Variants in NCALD observed in about 807,000 individuals in gnomAD.
The protein encoded by NCALD is neurocalcin delta.
NCALD carries 10 observed loss-of-function variants against 18.6 expected under a neutral mutation model. The ratio of observed to expected loss-of-function variants is 0.54; its 90% confidence interval spans 0.33 to 0.91. NCALD has a LOEUF of 0.91. Among genes scored for constraint, NCALD ranks in the 40% least tolerant of loss-of-function variants. NCALD has a pLI of 0.03. For synonymous variants in NCALD, 88 were observed against 87.4 expected, an observed-to-expected ratio of 1.01 and a Z score of -0.04; for missense variants, 184 against 247.6, an observed-to-expected ratio of 0.74 and a Z score of 1.72.
chr8:101,943,149 G>C (rs767217583), intron 2 of NCALD, among the ~76,000 whole-genome samples: 2 of 152,164 alleles, frequency 1.3e-5, no homozygotes, highest in African/African-American at 4.8e-5. Flanking sequence ...CAATGGCACA[G>C]TAAGTACTCT....
rs543834480 is a variant in NCALD, at chr8:101,999,878, C to T, written c.-157+20359G>A. Among the ~76,000 whole-genome samples the T allele has an allele frequency of 2.6e-5, 4 of 152,244 alleles. No homozygotes were observed. The East Asian group carries it at 7.7e-4, about 29-fold the overall frequency. Reference sequence around the variant, plus strand: ...TACTGCAGAAAGGGTAATCATCTCTCCTTTCAAAAACTGGAGAGTTGGGGG... The same window carrying T: ...TACTGCAGAAAGGGTAATCATCTCTTCTTTCAAAAACTGGAGAGTTGGGGG... On this transcript the variant is annotated intron_variant, in intron 2 of 6. Coordinates refer to the NCALD transcript ENST00000311028.
At chr8:101,948,119 AG>A (rs1302636511) in intron 2 of NCALD, among the ~76,000 whole-genome samples, 2 of 152,250 alleles carry the variant, frequency 1.3e-5, no homozygotes, top group Non-Finnish European at 2.9e-5. Flanking sequence ...ATCTTGAAAA[AG>A]TCCTGTTGAC....
chr8:101,875,430 T>G (rs1352795775), intron 4 of NCALD, among the ~76,000 whole-genome samples: 1 of 152,166 alleles, frequency 6.6e-6, no homozygotes, highest in Non-Finnish European at 1.5e-5. Context: ...CCCTGTCCCT[T>G]TCATCACTTC....
At position 102,037,295 on chromosome 8, in the gene NCALD, A is replaced by G. The variant is rs139900403; in HGVS notation, c.-209-17006T>C. On this transcript the variant is annotated intron_variant, in intron 1 of 6. Transcript: ENST00000311028. ...ATAGAAAAGTTAAGTAACTTGCCCA[A>G]GGCCATGAAATCAAATAGTGTTAAG... is the stretch of plus-strand genomic sequence containing the variant. 4.2e-4 allele frequency among the ~76,000 whole-genome samples: 64 copies of G among 152,354 alleles called. 1 individual carries two copies. The East Asian group carries it at 0.012, about 28-fold the overall frequency.
intron 1 of NCALD, among the ~76,000 whole-genome samples, chr8:102,032,936 C>G (rs1822731174): frequency 6.6e-6 from 1 of 152,162 alleles, no homozygotes; most frequent in African/African-American, 2.4e-5. Flanking sequence ...ACCCTGCGAA[C>G]AGCAGGGGCC....
intron 4 of NCALD, among the ~76,000 whole-genome samples, chr8:101,824,361 C>T (rs757493423): frequency 2.6e-5 from 4 of 152,136 alleles, no homozygotes; most frequent in Non-Finnish European, 5.9e-5. Flanking sequence ...ACAACAGCTT[C>T]CAGGATTACA....
rs1269192073 is a variant in NCALD at position 102,105,717 on chromosome 8, G to A, written c.-210+18520C>T. Among the ~76,000 whole-genome samples, 2 of 152,124 alleles carry A rather than the reference G, an allele frequency of 1.3e-5. 1 individual carries two copies. The highest frequency in any genetic ancestry group is 1.3e-4 in the Admixed American group (2 of 15,278). ...GTTTTGAACCCCATGAGGCCCAGCTGTACTTTGATTCACTGTCATGGAATC... is the reference window on the plus strand; with the variant it reads ...GTTTTGAACCCCATGAGGCCCAGCTATACTTTGATTCACTGTCATGGAATC... On this transcript the variant is annotated intron_variant, in intron 1 of 6. Transcript: ENST00000311028.
At chr8:101,952,917 A>G (rs188800454) in intron 2 of NCALD, among the ~76,000 whole-genome samples, 1 of 150,210 alleles carries the variant, frequency 6.7e-6, no homozygotes. Flanking sequence ...CAATAGCAAG[A>G]CTTCTTTTTT....
At chr8:102,069,943 C>T (rs1042024467) in intron 1 of NCALD, 1 of 151,982 alleles carries the variant, frequency 6.6e-6, no homozygotes, top group Admixed American at 6.6e-5. Context: ...GGTGAAACCC[C>T]ATCTCTACTA....
intron 1 of NCALD, among the ~76,000 whole-genome samples, chr8:101,764,797 T>C (rs1293134443): frequency 1.3e-5 from 2 of 152,208 alleles, no homozygotes; most frequent in Non-Finnish European, 2.9e-5. Context: ...CATTAACATC[T>C]TTATCTTTCA....
rs116891106 is a variant in NCALD, at chr8:101,937,719, C to T, written c.-156-21861G>A. 2.9e-3 allele frequency among the ~76,000 whole-genome samples: 434 copies of T among 152,238 alleles called. 3 individuals carry two copies. The highest frequency in any genetic ancestry group is 4.3e-3 in the Non-Finnish European group (290 of 68,004). On this transcript the variant is annotated intron_variant, in intron 2 of 6. Transcript: ENST00000311028. ...TCCACAAATATTTGAGGATTGCTGG[C>T]GATGGGCTAGGTCCTGTATGAAGTC...
intron 4 of NCALD, among the ~76,000 whole-genome samples, chr8:101,838,040 G>A (rs909937021): frequency 2.0e-5 from 3 of 152,136 alleles, no homozygotes; most frequent in African/African-American, 7.2e-5. Context: ...TTGAATGACA[G>A]GGTAGAGAAA....
intron 1 of NCALD, among the ~76,000 whole-genome samples, chr8:101,728,186 G>A (rs1816657723): frequency 6.6e-6 from 1 of 152,210 alleles, no homozygotes; most frequent in Non-Finnish European, 1.5e-5. Context: ...CACAGCAAGA[G>A]GAAATGGTGG....
intron 4 of NCALD, among the ~76,000 whole-genome samples, chr8:101,880,960 C>T (rs1286634788): frequency 6.6e-6 from 1 of 152,120 alleles, no homozygotes; most frequent in African/African-American, 2.4e-5. Context: ...GGACTTAGAA[C>T]TTTATTTTTG....
intron 2 of NCALD, among the ~76,000 whole-genome samples, chr8:101,718,167 G>A (rs946090030): frequency 6.6e-6 from 1 of 152,212 alleles, no homozygotes; most frequent in Non-Finnish European, 1.5e-5. Flanking sequence ...AAACACTGTG[G>A]GCCTGTGAAT....
chr8:101,891,856 G>A (rs538875611), intron 3 of NCALD, among the ~76,000 whole-genome samples: 1 of 152,200 alleles, frequency 6.6e-6, no homozygotes, highest in African/African-American at 2.4e-5. Context: ...TGGCTCGGAG[G>A]GTCCTACGCC....
At chr8:101,824,338 T>G (rs2131208243) in intron 4 of NCALD, among the ~76,000 whole-genome samples, 1 of 152,270 alleles carries the variant, frequency 6.6e-6, no homozygotes, top group Non-Finnish European at 1.5e-5. Flanking sequence ...GTTATTGCTA[T>G]TTTCTCAGGC....
chr8:101,806,664 G>A (rs1192138704), intron 4 of NCALD, among the ~76,000 whole-genome samples: 1 of 152,088 alleles, frequency 6.6e-6, no homozygotes, highest in African/African-American at 2.4e-5. Context: ...CATGCAATCT[G>A]AAGAGCAGAA....
At chr8:101,969,706 T>A (rs1003265278) in intron 2 of NCALD, among the ~76,000 whole-genome samples, 3 of 152,220 alleles carry the variant, frequency 2.0e-5, no homozygotes, top group African/African-American at 7.2e-5. Context: ...TACTACCAGA[T>A]AATGGATGAC....
Sources: gnomAD v4.1 joint callset for allele counts (sites outside exome capture counted in the v4.1 genomes callset) on GRCh38, gnomAD v4.1.1 for gene constraint, MANE v1.5 for transcripts, NCBI Gene and HGNC (gene_info 2026-07-23, HGNC 2026-07-21) for gene names.